Variants in KCNJ10 observed in about 807,000 individuals in gnomAD.
The protein encoded by KCNJ10 is potassium inwardly rectifying channel subfamily J member 10.
A neutral mutation model predicts 22.2 loss-of-function variants in KCNJ10; 9 were observed. That is an observed-to-expected ratio of 0.40 (90% CI 0.24 to 0.71). KCNJ10 has a LOEUF of 0.71. Among genes scored for constraint, KCNJ10 ranks in the 30% least tolerant of loss-of-function variants. The pLI, the probability that KCNJ10 is intolerant of heterozygous loss-of-function variation, is 0.35. For missense variants in KCNJ10, 337 were observed against 482.7 expected (o/e 0.70, Z 2.83); for synonymous variants, 184 against 187.3 (o/e 0.98, Z 0.15).
Position 160,041,983 on chromosome 1 carries a change from G to A in KCNJ10, c.550C>T (p.His184Tyr). Reference protein sequence around the residue: ...KRAETIRFSQHAVVASHNGKP... With the variant: ...KRAETIRFSQYAVVASHNGKP... ...CCATTGTGGGAGGCCACAACTGCAT[G>A]CTGGCTGAAACGAATGGTCTCAGCC... is the stretch of plus-strand genomic sequence containing the variant. Residue 184 changes from histidine to tyrosine, a missense_variant, in exon 2 of 2, where the codon CAT becomes TAT. Physicochemically the swap from His to Tyr is moderately conservative, Grantham distance 83 (BLOSUM62 2). Transcript: ENST00000644903. This position sits in a 1 kb window ranked among gnomAD's most constrained non-coding sequence, Gnocchi z 4.4. 2 of 1,595,380 alleles carry A rather than the reference G, an allele frequency of 1.3e-6. No homozygotes were observed. Among genetic ancestry groups the A allele is most frequent in the Non-Finnish European group, 1.7e-6 (2 of 1,169,174 alleles).
intron 1 of KCNJ10, among the ~76,000 whole-genome samples, chr1:160,056,574 C>G (rs1649040540): frequency 1.3e-5 from 2 of 152,210 alleles, no homozygotes; most frequent in Non-Finnish European, 2.9e-5. Context: ...CACTGTGGAG[C>G]CTTCCCCACC....
At chr1:160,061,249 C>T (rs1649183994) in intron 1 of KCNJ10, among the ~76,000 whole-genome samples, 1 of 152,192 alleles carries the variant, frequency 6.6e-6, no homozygotes, top group Non-Finnish European at 1.5e-5. Flanking sequence ...GACCTCCATT[C>T]TAGTCCCAGA....
chr1:160,041,690 C>T lies in KCNJ10; in HGVS notation c.843G>A (p.Leu281=), dbSNP rs756610115. The T allele has an allele frequency of 6.2e-7, 1 of 1,614,202 alleles. No homozygotes were observed. The highest frequency in any genetic ancestry group is 8.5e-7 in the Non-Finnish European group (1 of 1,180,030). The change falls in exon 2 of 2, where the codon CTG becomes CTA. Residue 281 remains leucine (L), a synonymous_variant. Transcript: ENST00000644903. This position sits in a 1 kb window ranked among gnomAD's most constrained non-coding sequence, Gnocchi z 4.4. The part of the protein sequence containing the change: ...RSGEGDFELV[L]ILSGTVESTS... Reference sequence around the variant, plus strand: ...TGGACTCCACTGTCCCACTTAGGATCAGCACCAGCTCAAAGTCACCCTCAC... The same window carrying T: ...TGGACTCCACTGTCCCACTTAGGATTAGCACCAGCTCAAAGTCACCCTCAC...
At chr1:160,043,270 AAAACACACACAC>A (rs1186519416) in intron 1 of KCNJ10, among the ~76,000 whole-genome samples, 1,541 of 24,072 alleles carry the variant, frequency 0.064, 22 homozygotes, top group South Asian at 0.3. Context: ...AATCCCCCTT[AAAACACACACAC>A]ACACACACAC....
chr1:160,059,410 GTCT>G (rs954168460), intron 1 of KCNJ10, among the ~76,000 whole-genome samples: 1 of 152,114 alleles, frequency 6.6e-6, no homozygotes, highest in African/African-American at 2.4e-5. Context: ...AACAACCCTG[GTCT>G]TCTTCTTCAT....
chr1:160,049,177 A>T (rs906611713), intron 1 of KCNJ10, among the ~76,000 whole-genome samples: 1 of 152,030 alleles, frequency 6.6e-6, no homozygotes, highest in Non-Finnish European at 1.5e-5. Flanking sequence ...ATTTTACTAT[A>T]ATTGTCTTAG....
At chr1:160,058,482 G>C (rs1208983499) in intron 1 of KCNJ10, among the ~76,000 whole-genome samples, 2 of 152,182 alleles carry the variant, frequency 1.3e-5, no homozygotes, top group African/African-American at 4.8e-5. Flanking sequence ...GAAAACTTCA[G>C]GCCTAAGCCA....
chr1:160,058,464 C>G (rs757449785), intron 1 of KCNJ10, among the ~76,000 whole-genome samples: 16 of 152,188 alleles, frequency 1.1e-4, no homozygotes, highest in Non-Finnish European at 2.2e-4. Context: ...TGAGAAAGGA[C>G]AGAGGCAGAA....
At chr1:160,049,011 T>G (rs1648815174) in intron 1 of KCNJ10, among the ~76,000 whole-genome samples, 1 of 152,228 alleles carries the variant, frequency 6.6e-6, no homozygotes. Flanking sequence ...AGAAAGCACT[T>G]TCACATTTTA....
chr1:160,058,427 T>C lies in KCNJ10; in HGVS notation c.-1+11595A>G, dbSNP rs1408159596. Among the ~76,000 whole-genome samples, 3 of 152,348 alleles carry C rather than the reference T, an allele frequency of 2.0e-5. No individual in the cohort carries two copies. In the South Asian group the frequency reaches 6.2e-4, roughly 32 times the overall value. On this transcript the variant is annotated intron_variant, in intron 1 of 1. Coordinates refer to ENST00000644903, the MANE Select transcript of KCNJ10 (RefSeq NM_002241.5). Reference sequence around the variant, plus strand: ...CTCAGTGATAAAATCCAGGGTCTTCTGTGGAAGGCACATCTCTCTCTAGTG... The same window carrying C: ...CTCAGTGATAAAATCCAGGGTCTTCCGTGGAAGGCACATCTCTCTCTAGTG...
rs575912833 is a variant in KCNJ10, at chr1:160,045,868, G to A, written c.1-3336C>T. Among the ~76,000 whole-genome samples, 31 of 152,352 alleles carry A rather than the reference G, an allele frequency of 2.0e-4. No individual in the cohort carries two copies. The South Asian group carries it at 2.3e-3, about 11-fold the overall frequency. ...GATCAAAGGCTTGGACTTGTCCTTT[G>A]AGCTCCAAGAGGAACAATCAGGGAG... is the stretch of plus-strand genomic sequence containing the variant. On this transcript the variant is annotated intron_variant, in intron 1 of 1. Coordinates refer to ENST00000644903, the MANE Select transcript of KCNJ10 (RefSeq NM_002241.5).
In KCNJ10 at chr1:160,040,897, T is replaced by A; in HGVS notation, c.*496A>T. 3.1e-6 allele frequency: 1 copy of A among 326,592 alleles called. No homozygotes were observed. The highest frequency in any genetic ancestry group is 5.6e-6 in the Non-Finnish European group (1 of 178,958). 20.2% of individuals were successfully genotyped at this position (326,592 alleles called of 1,614,324 possible). On this transcript the variant is annotated 3_prime_UTR_variant, in exon 2 of 2. Transcript: ENST00000644903. ...TTTCAACAGAGATTGGTAGAAACCC[T>A]AGGATATGTTGATATCAGATTCCTG...
At position 160,049,675 on chromosome 1, in the gene KCNJ10, TTATATATATATATATA is replaced by T. The variant is rs57790887; in HGVS notation, c.1-7159_1-7144del. Among the ~76,000 whole-genome samples, 408 of 47,116 alleles carry T rather than the reference TTATATATATATATATA, an allele frequency of 8.7e-3. 14 individuals carry two copies. Among genetic ancestry groups the T allele is most frequent in the African/African-American group, 0.027 (387 of 14,096 alleles). The allele number at this position is 47,116 out of a possible 152,430, so 30.9% of individuals were successfully genotyped here. A position where few individuals can be genotyped will look rare whatever the true frequency, so the allele number is the denominator to read the frequency against. Reference sequence around the variant, plus strand: ...AAGAAGGATCCAGCATTTTATTTATTTATATATATATATATATATATATATATATATATATATATAT... The same window carrying T: ...AAGAAGGATCCAGCATTTTATTTATTTATATATATATATATATATATATAT... On this transcript the variant is annotated intron_variant, in intron 1 of 1. Transcript: ENST00000644903.
chr1:160,041,774 A>G lies in KCNJ10; in HGVS notation c.759T>C (p.Leu253=), dbSNP rs1185218154. ...TCTCATCTACCACATGATAGAAGGT[A>G]AGGGGTAGAATAAGGAAGGGGCTGT... ...ASDSPFLILP[L]TFYHVVDETS... The change falls in exon 2 of 2, where the codon CTT becomes CTC. Residue 253 remains leucine (L), a synonymous_variant. Coordinates refer to ENST00000644903, the MANE Select transcript of KCNJ10 (RefSeq NM_002241.5). This position sits in a 1 kb window ranked among gnomAD's most constrained non-coding sequence, Gnocchi z 4.4. 2 of 1,614,054 alleles carry G rather than the reference A, an allele frequency of 1.2e-6. No homozygotes were observed. Among genetic ancestry groups the G allele is most frequent in the East Asian group, 2.2e-5 (1 of 44,890 alleles).
rs952084620 is a variant in KCNJ10 at position 160,070,153 on chromosome 1, G to A, written c.-132C>T. The A allele has an allele frequency of 6.6e-6, 1 of 152,366 alleles. No individual in the cohort carries two copies. The highest frequency in any genetic ancestry group is 2.4e-5 in the African/African-American group (1 of 41,384). The allele number at this position is 152,366 out of a possible 1,614,324, so 9.4% of individuals were successfully genotyped here. On this transcript the variant is annotated 5_prime_UTR_variant, in exon 1 of 2. Transcript: ENST00000644903. This position sits in a 1 kb window ranked among gnomAD's most constrained non-coding sequence, Gnocchi z 4.3. ...CCAGGACTCTTAAACCCGGAGCTGG[G>A]ATCAGATAAGGGCTTGTCCGGGGGC...
intron 1 of KCNJ10, among the ~76,000 whole-genome samples, chr1:160,049,695 A>ATATATATATATATATATATATATATTTT (rs1648851423): frequency 8.3e-6 from 1 of 120,540 alleles, no homozygotes; most frequent in Admixed American, 8.9e-5. Context: ...ATATATATAT[A>ATATATATATATATATATATATATATTTT]TATATATATA....
intron 1 of KCNJ10, among the ~76,000 whole-genome samples, chr1:160,045,211 G>A (rs1162805415): frequency 6.6e-6 from 1 of 152,122 alleles, no homozygotes; most frequent in African/African-American, 2.4e-5. Flanking sequence ...TACTGGTGAG[G>A]GGACCATGAT....
chr1:160,048,378 C>T (rs1648799919), intron 1 of KCNJ10, among the ~76,000 whole-genome samples: 1 of 110,002 alleles, frequency 9.1e-6, no homozygotes, highest in African/African-American at 3.2e-5. Flanking sequence ...AGATATCAGT[C>T]CCTGCTCCTT....
In KCNJ10 at chr1:160,049,541, T is replaced by C. The variant is rs139888658; in HGVS notation, c.1-7009A>G. Among the ~76,000 whole-genome samples, 1,113 of 151,646 alleles carry C rather than the reference T, an allele frequency of 7.3e-3. 16 individuals are homozygous for C. The highest frequency in any genetic ancestry group is 0.025 in the African/African-American group (1,048 of 41,320). On this transcript the variant is annotated intron_variant, in intron 1 of 1. Transcript: ENST00000644903. ...TTCCTACAACCTTAAGTAATGCCTC[T>C]CTTTTCTGAGTTTCCATATATGTAT...
Sources: allele counts gnomAD v4.1 joint callset (sites outside exome capture counted in the v4.1 genomes callset), GRCh38; gene constraint gnomAD v4.1.1; non-coding constraint Gnocchi (gnomAD v3.1); transcripts MANE v1.5; gene names NCBI Gene and HGNC (gene_info 2026-07-23, HGNC 2026-07-21).